The following KALRN variants were observed in gnomAD, a reference collection of about 807,000 sequenced individuals.
KALRN encodes the protein kalirin.
KALRN carries 70 observed loss-of-function variants against 353.7 expected under a neutral mutation model. That is an observed-to-expected ratio of 0.20 (90% CI 0.16 to 0.24). KALRN has a LOEUF of 0.24. KALRN is among the 10% of genes least tolerant of loss of function. The probability of loss-of-function intolerance (pLI) is 1.00; values close to 1 mark genes in which losing one functional copy is unlikely to be tolerated. For missense variants in KALRN, 2,791 were observed against 3,756.7 expected (o/e 0.74, Z 6.72); for synonymous variants, 1,391 against 1,434.8 (o/e 0.97, Z 0.69).
chr3:124,548,415 C>A (rs1363790091), intron 33 of KALRN, among the ~76,000 whole-genome samples: 3 of 152,158 alleles, frequency 2.0e-5, no homozygotes, highest in Non-Finnish European at 4.4e-5. Context: ...TCTAATGGGA[C>A]CTACATTTTA....
intron 13 of KALRN, among the ~76,000 whole-genome samples, chr3:124,404,381 A>G (rs2091263195): frequency 6.6e-6 from 1 of 151,942 alleles, no homozygotes; most frequent in Non-Finnish European, 1.5e-5. Flanking sequence ...TCTGGATAGG[A>G]CATGGTCTCT....
intron 1 of KALRN, among the ~76,000 whole-genome samples, chr3:124,058,895 T>C (rs1350499948): frequency 2.0e-5 from 3 of 152,364 alleles, no homozygotes; most frequent in African/African-American, 7.2e-5. Context: ...GCATTCAGGT[T>C]AAAGTTTGAA....
At chr3:124,157,097 T>G (rs1560103695) in intron 1 of KALRN, among the ~76,000 whole-genome samples, 1 of 152,216 alleles carries the variant, frequency 6.6e-6, no homozygotes, top group Admixed American at 6.5e-5. Flanking sequence ...AGTTCAGTCT[T>G]TTCATGACTA....
At chr3:124,666,962 T>G in intron 46 of KALRN, 50 bp from the exon 47 acceptor site, 11 of 1,545,146 alleles carry the variant, frequency 7.1e-6, no homozygotes, top group Non-Finnish European at 9.6e-6. Context: ...ATGTTGCTGA[T>G]TTTTAAAAAA....
intron 1 of KALRN, among the ~76,000 whole-genome samples, chr3:124,091,700 A>G (rs567807893): frequency 3.9e-5 from 6 of 152,140 alleles, no homozygotes; most frequent in South Asian, 4.1e-4. Context: ...CCTGGAAAAC[A>G]TGTCTCTGTA....
chr3:124,135,292 C>T (rs1258274590), intron 1 of KALRN, among the ~76,000 whole-genome samples: 3 of 152,130 alleles, frequency 2.0e-5, no homozygotes, highest in Admixed American at 2.0e-4. Context: ...AACCAAGCAT[C>T]GTGTGTTCTC....
intron 34 of KALRN, among the ~76,000 whole-genome samples, chr3:124,597,859 T>C (rs1423429350): frequency 6.6e-6 from 1 of 152,270 alleles, no homozygotes; most frequent in Non-Finnish European, 1.5e-5. Context: ...TTGTTTCTAC[T>C]TTATAATAAT....
intron 5 of KALRN, among the ~76,000 whole-genome samples, chr3:124,292,628 C>T (rs1195831336): frequency 7.5e-6 from 1 of 132,658 alleles, no homozygotes; most frequent in South Asian, 2.8e-4. Flanking sequence ...TGTGTCTGTG[C>T]GGTGCCCTGC....
At chr3:124,165,874 C>T (rs188060084) in intron 1 of KALRN, among the ~76,000 whole-genome samples, 2 of 152,176 alleles carry the variant, frequency 1.3e-5, no homozygotes, top group Admixed American at 1.3e-4. Context: ...CTCCCTGAAC[C>T]ATGGCCTCTT....
intron 57 of KALRN, among the ~76,000 whole-genome samples, chr3:124,707,749 C>G (rs780043800): frequency 1.3e-5 from 2 of 152,180 alleles, no homozygotes; most frequent in African/African-American, 2.4e-5. Context: ...ATGCAGGAAG[C>G]TAAACCTCTG....
intron 4 of KALRN, among the ~76,000 whole-genome samples, chr3:124,267,776 C>A (rs2073735348): frequency 6.6e-6 from 1 of 152,168 alleles, no homozygotes; most frequent in South Asian, 2.1e-4. Flanking sequence ...AATGATGCAG[C>A]CTTCAGATCA....
chr3:124,038,630 GAA>G (rs754002944), intron 1 of KALRN, among the ~76,000 whole-genome samples: 5 of 152,286 alleles, frequency 3.3e-5, no homozygotes, highest in Non-Finnish European at 7.4e-5. Context: ...GAAGATAAAT[GAA>G]AAGAGTGATG....
At chr3:124,275,605 A>G (rs912389157) in intron 5 of KALRN, among the ~76,000 whole-genome samples, 4 of 152,212 alleles carry the variant, frequency 2.6e-5, no homozygotes, top group Admixed American at 2.6e-4. Flanking sequence ...GGCCCAGCAT[A>G]GCTATTCCAG....
intron 30 of KALRN, 39 bp downstream of exon 30, chr3:124,490,923 T>C: frequency 6.4e-7 from 1 of 1,559,618 alleles, no homozygotes; most frequent in Non-Finnish European, 8.7e-7. Flanking sequence ...ACTCCCTGCT[T>C]TCATAGAACC....
chr3:124,471,984 A>C (rs1418878731), intron 25 of KALRN, among the ~76,000 whole-genome samples: 1 of 149,962 alleles, frequency 6.7e-6, no homozygotes. Context: ...AAAAAAAAAA[A>C]CAACCTTCAT....
chr3:124,688,018 T>A (rs970908475), intron 51 of KALRN, among the ~76,000 whole-genome samples: 2 of 152,086 alleles, frequency 1.3e-5, no homozygotes, highest in African/African-American at 4.8e-5. Flanking sequence ...CATTTAGAAA[T>A]GAGCAGAGGA....
chr3:124,612,101 T>C (rs1346119778), intron 34 of KALRN, among the ~76,000 whole-genome samples: 1 of 152,232 alleles, frequency 6.6e-6, no homozygotes, highest in African/African-American at 2.4e-5. Flanking sequence ...CTCAGCTTAC[T>C]GCAGCCTCTG....
intron 5 of KALRN, among the ~76,000 whole-genome samples, chr3:124,294,283 G>A (rs561368103): frequency 6.6e-6 from 1 of 152,096 alleles, no homozygotes; most frequent in Admixed American, 6.5e-5. Flanking sequence ...AGGCAGGGCG[G>A]TGTCCCCAAA....
In KALRN at chr3:124,131,722, T is replaced by G. The variant is rs1165634238; in HGVS notation, c.74-96268T>G. Among the ~76,000 whole-genome samples the G allele has an allele frequency of 2.0e-5, 3 of 152,194 alleles. No homozygotes were observed. The East Asian group carries it at 5.8e-4, about 29-fold the overall frequency. ...TTGTGGTGATTACAGAAGCAGCCAC[T>G]GCCGGGAGGTCAGCATCACATGCTT... On this transcript the variant is annotated intron_variant, in intron 1 of 59. Transcript: ENST00000682506.
Sources: allele counts gnomAD v4.1 joint callset (sites outside exome capture counted in the v4.1 genomes callset), GRCh38; gene constraint gnomAD v4.1.1; transcripts MANE v1.5; gene names NCBI Gene and HGNC (gene_info 2026-07-23, HGNC 2026-07-21).